The following DDX10 variants were observed in gnomAD, a reference collection of about 807,000 sequenced individuals.
The protein encoded by DDX10 is probable ATP-dependent RNA helicase DDX10.
In DDX10, 74 loss-of-function variants were observed where a neutral mutation model predicts 104.3. The observed-to-expected ratio is 0.71, with a 90% CI of 0.59 to 0.86. The LOEUF (loss-of-function observed/expected upper bound fraction) is 0.86, where lower values mean the gene tolerates loss of function less well. Ranked by LOEUF, DDX10 falls within the 40% of genes least tolerant of loss-of-function variation. DDX10 has a pLI of 0.00. For synonymous variants in DDX10, 351 were observed against 353.4 expected (o/e 0.99, Z 0.08); for missense variants, 952 against 1,040.0 (o/e 0.92, Z 1.16).
intron 9 of DDX10, among the ~76,000 whole-genome samples, chr11:108,694,031 GGTCTTAAGC>G (rs1310587168): frequency 3.9e-5 from 6 of 152,062 alleles, no homozygotes; most frequent in Non-Finnish European, 8.8e-5. Flanking sequence ...AAGTGGGTGG[GGTCTTAAGC>G]GTGCATATGC....
chr11:108,788,285 G>A (rs780198305), intron 13 of DDX10, among the ~76,000 whole-genome samples: 1 of 152,078 alleles, frequency 6.6e-6, no homozygotes, highest in Non-Finnish European at 1.5e-5. Context: ...ATGTAAGTTG[G>A]GTATAGTTAG....
At chr11:108,684,432 T>C (rs1267389648) in intron 6 of DDX10, among the ~76,000 whole-genome samples, 2 of 141,240 alleles carry the variant, frequency 1.4e-5, no homozygotes, top group Non-Finnish European at 3.1e-5. Context: ...TTCCCACCTA[T>C]GAGTGAGAAT....
intron 13 of DDX10, among the ~76,000 whole-genome samples, chr11:108,728,201 A>G (rs2094307628): frequency 6.6e-6 from 1 of 152,190 alleles, no homozygotes; most frequent in South Asian, 2.1e-4. Context: ...TTCCTAACTT[A>G]GGTTCCTTTC....
chr11:108,915,991 A>T (rs1021458868), intron 16 of DDX10, among the ~76,000 whole-genome samples: 4 of 150,134 alleles, frequency 2.7e-5, no homozygotes, highest in African/African-American at 9.7e-5. Context: ...AATTACAGCT[A>T]TTTTTCATAA....
intron 13 of DDX10, among the ~76,000 whole-genome samples, chr11:108,736,458 C>T (rs570302329): frequency 7.2e-5 from 11 of 152,136 alleles, no homozygotes; most frequent in African/African-American, 2.2e-4. Context: ...GTGATACCAC[C>T]GAAGTTGAAA....
chr11:108,780,230 A>T (rs1258448350), intron 13 of DDX10, among the ~76,000 whole-genome samples: 1 of 152,174 alleles, frequency 6.6e-6, no homozygotes, highest in African/African-American at 2.4e-5. Context: ...CTGAATAACT[A>T]ATGAAACAGA....
At position 108,673,466 on chromosome 11, in the gene DDX10, G is replaced by A. The variant is rs1176112442; in HGVS notation, c.187-1G>A. The A allele has an allele frequency of 1.3e-6, 2 of 1,582,996 alleles. No homozygotes were observed. Among genetic ancestry groups the A allele is most frequent in the East Asian group, 4.5e-5 (2 of 44,556 alleles). On this transcript the variant is annotated splice_acceptor_variant, in intron 1 of 17. Coordinates refer to ENST00000322536, the MANE Select transcript of DDX10 (RefSeq NM_004398.4). LOFTEE classifies it high-confidence loss of function. Reference sequence around the variant, plus strand: ...CCTGATTCCTTTTTCTTTTTTTCCAGATAAATGTAAATGAAATCACAAGAT... The same window carrying A: ...CCTGATTCCTTTTTCTTTTTTTCCAAATAAATGTAAATGAAATCACAAGAT...
chr11:108,732,898 ATC>A (rs1253586408), intron 13 of DDX10, among the ~76,000 whole-genome samples: 1 of 152,220 alleles, frequency 6.6e-6, no homozygotes, highest in Non-Finnish European at 1.5e-5. Context: ...TGAGAATGAA[ATC>A]TCTAAGCATA....
chr11:108,748,712 G>T (rs1038045027), intron 13 of DDX10, among the ~76,000 whole-genome samples: 6 of 151,676 alleles, frequency 4.0e-5, no homozygotes, highest in Non-Finnish European at 8.8e-5. Context: ...GTGGAGTCTT[G>T]TGCTGTCACT....
At chr11:108,727,866 G>T in intron 13 of DDX10, 1 of 200,872 alleles carries the variant, frequency 5.0e-6, no homozygotes, top group Non-Finnish European at 1.0e-5. Context: ...AAATACATGT[G>T]AAGAGATCAT....
intron 10 of DDX10, among the ~76,000 whole-genome samples, chr11:108,710,263 T>A (rs938531874): frequency 1.2e-4 from 18 of 152,192 alleles, no homozygotes; most frequent in African/African-American, 4.1e-4. Flanking sequence ...TAGGCTACAC[T>A]AAACTTTTTT....
chr11:108,843,292 A>C lies in DDX10; in HGVS notation c.2247+1816A>C, dbSNP rs181856859. Among the ~76,000 whole-genome samples, 385 of 152,176 alleles carry C rather than the reference A, an allele frequency of 2.5e-3. 2 individuals carry two copies. The highest frequency in any genetic ancestry group is 0.02 in the Middle Eastern group (6 of 294). ...CTTTAAAAAACAAAAACAAGAAAAA[A>C]CTAACATATGTACGTGGGTCCCTCC... On this transcript the variant is annotated intron_variant, in intron 15 of 17. Transcript: ENST00000322536.
chr11:108,753,453 C>T (rs550786070), intron 13 of DDX10, among the ~76,000 whole-genome samples: 3 of 152,082 alleles, frequency 2.0e-5, no homozygotes, highest in South Asian at 2.1e-4. Context: ...ATATTATGTA[C>T]GTATGTTGCT....
At chr11:108,797,849 G>A (rs1015815775) in intron 13 of DDX10, among the ~76,000 whole-genome samples, 1 of 152,222 alleles carries the variant, frequency 6.6e-6, no homozygotes, top group African/African-American at 2.4e-5. Context: ...AGAGCAGTAA[G>A]CTGGGCCTCA....
intron 13 of DDX10, among the ~76,000 whole-genome samples, chr11:108,800,063 G>A (rs892110602): frequency 2.0e-5 from 3 of 151,920 alleles, no homozygotes; most frequent in African/African-American, 7.3e-5. Flanking sequence ...TCAGCCTCCC[G>A]AGCAGCTGGG....
intron 16 of DDX10, among the ~76,000 whole-genome samples, chr11:108,909,554 G>A (rs892089402): frequency 6.6e-6 from 1 of 152,050 alleles, no homozygotes; most frequent in Non-Finnish European, 1.5e-5. Flanking sequence ...TAATAAATGG[G>A]CAATCATTAA....
At chr11:108,844,724 A>G (rs1006040477) in intron 15 of DDX10, among the ~76,000 whole-genome samples, 2 of 152,004 alleles carry the variant, frequency 1.3e-5, no homozygotes, top group South Asian at 4.3e-4. Context: ...TGCTTTCCTA[A>G]TCTGAAAAAT....
At chr11:108,922,046 C>CCATACTG (rs1863835011) in intron 17 of DDX10, 1 of 150,710 alleles carries the variant, frequency 6.6e-6, no homozygotes, top group Non-Finnish European at 1.5e-5. Flanking sequence ...GAGATTGAGA[C>CCATACTG]CATACTGGCC....
chr11:108,743,498 C>G (rs2094327806), intron 13 of DDX10, among the ~76,000 whole-genome samples: 1 of 152,140 alleles, frequency 6.6e-6, no homozygotes, highest in African/African-American at 2.4e-5. Flanking sequence ...CACTTGTATT[C>G]AGCATACTAG....
Sources: allele counts gnomAD v4.1 joint callset (sites outside exome capture counted in the v4.1 genomes callset), GRCh38; gene constraint gnomAD v4.1.1; transcripts MANE v1.5; gene names NCBI Gene and HGNC (gene_info 2026-07-23, HGNC 2026-07-21).